Variants in SDE2 observed in about 807,000 individuals in gnomAD.
SDE2 encodes splicing regulator SDE2.
A neutral mutation model predicts 46.9 loss-of-function variants in SDE2; 31 were observed. The ratio of observed to expected loss-of-function variants is 0.66; its 90% CI spans 0.50 to 0.89. The LOEUF (loss-of-function observed/expected upper bound fraction) is 0.89. Ranked by LOEUF, SDE2 falls within the 40% of genes least tolerant of loss-of-function variation. SDE2 has a pLI of 0.00. For synonymous variants in SDE2, 205 were observed against 204.3 expected (o/e 1.00, Z -0.03); for missense variants, 542 against 564.4 (o/e 0.96, Z 0.40).
intron 2 of SDE2, 47 bp downstream of exon 2, chr1:225,995,219 A>C (rs1656494688): frequency 3.2e-6 from 3 of 927,012 alleles, no homozygotes; most frequent in Admixed American, 2.0e-5. Flanking sequence ...TAAATGAATA[A>C]AGACTGCAAA....
rs376479645 is a variant in SDE2 at position 225,994,686 on chromosome 1, G to GA, written c.238+579dup. Among the ~76,000 whole-genome samples, 212 of 151,958 alleles carry GA rather than the reference G, an allele frequency of 1.4e-3. 2 individuals carry two copies. Among genetic ancestry groups the GA allele is most frequent in the African/African-American group, 4.7e-3 (194 of 41,458 alleles). On this transcript the variant is annotated intron_variant, in intron 2 of 6. Coordinates refer to ENST00000272091, the MANE Select transcript of SDE2 (RefSeq NM_152608.4). ...CCTGATTAAAGCAGAAGGAGATTTA[G>GA]AAAAAAAACTCTTTATTCAGCAAAT...
intron 6 of SDE2, among the ~76,000 whole-genome samples, chr1:225,985,753 T>C (rs1481840817): frequency 6.6e-6 from 1 of 152,184 alleles, no homozygotes; most frequent in East Asian, 1.9e-4. Flanking sequence ...GTAACAGAAG[T>C]ATAGCATTCC....
At chr1:225,992,058 A>G (rs1656412760) in intron 4 of SDE2, among the ~76,000 whole-genome samples, 1 of 152,100 alleles carries the variant, frequency 6.6e-6, no homozygotes, top group African/African-American at 2.4e-5. Flanking sequence ...GTGTGCCTGT[A>G]ATCCCAGCTA....
rs568081081 is a variant in SDE2 at position 225,993,105 on chromosome 1, T to C, written c.239-103A>G. 34 of 443,090 alleles carry C rather than the reference T, an allele frequency of 7.7e-5. No individual in the cohort carries two copies. In the African/African-American group the frequency reaches 8.6e-4, roughly 11 times the overall value. The allele number at this position is 443,090 out of a possible 1,614,324, so 27.4% of individuals were successfully genotyped here. ...GTATCACAAGATTAACAATGATCTC[T>C]ACTTTCTTTCTTTTTTTTTTTTTTT... is the stretch of plus-strand genomic sequence containing the variant. On this transcript the variant is annotated intron_variant, in intron 2 of 6. Transcript: ENST00000272091.
chr1:225,983,353 G>C lies in SDE2; in HGVS notation c.*1949C>G, dbSNP rs922161636. On this transcript the variant is annotated 3_prime_UTR_variant, in exon 7 of 7. Coordinates refer to ENST00000272091, the MANE Select transcript of SDE2 (RefSeq NM_152608.4). ...TACATTAGGAAGACATAAGTTATTA[G>C]AGCTTCATACAAAAACTGGTAGAAT... 1 of 152,246 alleles carries C rather than the reference G, an allele frequency of 6.6e-6. No individual in the cohort carries two copies. The highest frequency in any genetic ancestry group is 1.5e-5 in the Non-Finnish European group (1 of 68,028). 9.4% of individuals were successfully genotyped at this position (152,246 alleles called of 1,614,324 possible).
intron 1 of SDE2, among the ~76,000 whole-genome samples, chr1:225,997,589 C>T (rs962378286): frequency 2.0e-5 from 3 of 152,028 alleles, no homozygotes; most frequent in Non-Finnish European, 4.4e-5. Context: ...GCCGCCACGC[C>T]TGGCTAATTT....
chr1:225,983,990 T>TA lies in SDE2; in HGVS notation c.*1311dup, dbSNP rs1314249828. 7.2e-5 allele frequency: 11 copies of TA among 152,226 alleles called. No homozygotes were observed. Among genetic ancestry groups the TA allele is most frequent in the Non-Finnish European group, 1.5e-4 (10 of 68,068 alleles). The allele number at this position is 152,226 out of a possible 1,614,324, so 9.4% of individuals were successfully genotyped here. On this transcript the variant is annotated 3_prime_UTR_variant, in exon 7 of 7. Coordinates refer to ENST00000272091, the MANE Select transcript of SDE2 (RefSeq NM_152608.4). ...GGCTGGGCATGGTGGCTCACACCTGTAATCCCAGCACTTTGGGAGGCCAAA... is the reference window on the plus strand; with the variant it reads ...GGCTGGGCATGGTGGCTCACACCTGTAAATCCCAGCACTTTGGGAGGCCAAA...
At chr1:225,988,971 T>C (rs1656331017) in intron 5 of SDE2, among the ~76,000 whole-genome samples, 1 of 152,122 alleles carries the variant, frequency 6.6e-6, no homozygotes, top group African/African-American at 2.4e-5. Context: ...TCCCCCGCAT[T>C]ACATTACCTT....
chr1:225,985,353 C>G lies in SDE2; in HGVS notation c.1305G>C (p.Glu435Asp). 1 of 1,614,228 alleles carries G rather than the reference C, an allele frequency of 6.2e-7. No homozygotes were observed. The highest frequency in any genetic ancestry group is 8.5e-7 in the Non-Finnish European group (1 of 1,180,042). Residue 435 changes from glutamate to aspartate, a missense_variant, in exon 7 of 7, where the codon GAG (glutamate) becomes GAC (aspartate). By Grantham distance (45) the Glu-to-Asp change is conservative. This residue lies in a region of SDE2 where 401 missense variants were observed against 437.8 expected (regional missense o/e 0.92). Coordinates refer to ENST00000272091, the MANE Select transcript of SDE2 (RefSeq NM_152608.4). Reference protein sequence around the residue: ...RLFSVRGLAKEQIDPALFAKP... With the variant: ...RLFSVRGLAKDQIDPALFAKP... Reference sequence around the variant, plus strand: ...TGGCAAATAAAGCCGGGTCAATTTGCTCCTTTGCCAGTCCTCTGACAGAGA... The same window carrying G: ...TGGCAAATAAAGCCGGGTCAATTTGGTCCTTTGCCAGTCCTCTGACAGAGA...
chr1:225,992,313 C>T, intron 4 of SDE2, 85 bp downstream of exon 4: 5 of 923,868 alleles, frequency 5.4e-6, no homozygotes, highest in East Asian at 2.5e-5. Context: ...AGCTTAAGAA[C>T]TGCTCTTTGT....
chr1:225,989,258 T>C (rs1415832683), intron 5 of SDE2, among the ~76,000 whole-genome samples: 2 of 147,290 alleles, frequency 1.4e-5, no homozygotes, highest in Non-Finnish European at 3.0e-5. Flanking sequence ...ATCGCACCAC[T>C]GCACTCCAGC....
At position 225,985,269 on chromosome 1, in the gene SDE2, C is replaced by T; in HGVS notation, c.*33G>A. 6.5e-7 allele frequency: 1 copy of T among 1,528,064 alleles called. No homozygotes were observed. The highest frequency in any genetic ancestry group is 1.1e-5 in the South Asian group (1 of 89,298). The allele number at this position is 1,528,064 out of a possible 1,614,324, so 94.7% of individuals were successfully genotyped here. A position where few individuals can be genotyped will look rare whatever the true frequency, so the allele number is the denominator to read the frequency against. On this transcript the variant is annotated 3_prime_UTR_variant, in exon 7 of 7. Coordinates refer to ENST00000272091, the MANE Select transcript of SDE2 (RefSeq NM_152608.4). ...TTATGCAGGTTGTAAATGGTAGACA[C>T]TATAAACAAATAGGAATCAGCTCTG...
In SDE2 at chr1:225,987,887, C is replaced by G. The variant is rs1656300719; in HGVS notation, c.1134+9G>C. ...TTGGCTCTAGGTATCAACCCCAAAA[C>G]ATACTTACTGCGTTTCCTGGCTGGC... On this transcript the variant is annotated intron_variant, in intron 6 of 6. Coordinates refer to ENST00000272091, the MANE Select transcript of SDE2 (RefSeq NM_152608.4). 3.1e-6 allele frequency: 5 copies of G among 1,605,668 alleles called. No homozygotes were observed. The Admixed American group carries it at 5.1e-5, about 17-fold the overall frequency.
intron 4 of SDE2, 73 bp downstream of exon 4, chr1:225,992,325 C>G (rs72757014): frequency 1.9e-6 from 2 of 1,035,240 alleles, no homozygotes; most frequent in African/African-American, 1.6e-5. Flanking sequence ...GCTCTTTGTG[C>G]GTAGTGTAGA....
intron 5 of SDE2, among the ~76,000 whole-genome samples, chr1:225,990,600 A>G (rs892480065): frequency 1.3e-5 from 2 of 152,224 alleles, no homozygotes; most frequent in African/African-American, 2.4e-5. Context: ...AGGTAGTGTC[A>G]CCACCCTTTC....
chr1:225,997,471 C>T (rs1156516091), intron 1 of SDE2, among the ~76,000 whole-genome samples: 1 of 152,074 alleles, frequency 6.6e-6, no homozygotes, highest in African/African-American at 2.4e-5. Flanking sequence ...GCTCTGTCAC[C>T]CAGTTTGGAG....
Position 225,985,476 on chromosome 1 carries a change from T to C in SDE2, c.1182A>G (p.Ala394=), listed in dbSNP as rs759893572. The change falls in exon 7 of 7, where the codon GCA becomes GCG. Residue 394 remains alanine, a synonymous_variant. Transcript: ENST00000272091. ...TIDLLAFTSV[A]ELELLGLEKL... Reference sequence around the variant, plus strand: ...TCTCCAAACCCAGCAACTCCAGTTCTGCAACAGAGGTGAACGCCAATAAAT... The same window carrying C: ...TCTCCAAACCCAGCAACTCCAGTTCCGCAACAGAGGTGAACGCCAATAAAT... 4 of 1,614,072 alleles carry C rather than the reference T, an allele frequency of 2.5e-6. No individual in the cohort carries two copies. Among genetic ancestry groups the C allele is most frequent in the Admixed American group, 3.3e-5 (2 of 60,020 alleles).
intron 1 of SDE2, among the ~76,000 whole-genome samples, chr1:225,995,785 G>A (rs974555200): frequency 2.0e-5 from 3 of 152,166 alleles, no homozygotes; most frequent in African/African-American, 7.2e-5. Flanking sequence ...CCTAAAAAGT[G>A]CAGGTAGGAA....
Position 225,992,483 on chromosome 1 carries a change from TACA to T in SDE2, c.432_434del (p.Val145del), listed in dbSNP as rs1185028326. 6.2e-7 allele frequency: 1 copy of T among 1,612,882 alleles called. No individual in the cohort carries two copies. The highest frequency in any genetic ancestry group is 1.3e-5 in the African/African-American group (1 of 74,924). On this transcript the variant is annotated inframe_deletion, in exon 4 of 7. Coordinates refer to ENST00000272091, the MANE Select transcript of SDE2 (RefSeq NM_152608.4). The stretch of plus-strand genomic sequence containing the variant: ...GGCTGGTGAAGCAGTGCTTGGGTTC[TACA>T]AGCTTCCGCTGCAGTCGCTCCAGCC...
Sources: gnomAD v4.1 joint callset for allele counts (sites outside exome capture counted in the v4.1 genomes callset) on GRCh38, gnomAD v4.1.1 for gene constraint, gnomAD v4.1.1 regional missense constraint, MANE v1.5 for transcripts, NCBI Gene and HGNC (gene_info 2026-07-23, HGNC 2026-07-21) for gene names.